The following DPP8 variants were observed in gnomAD, a reference collection of about 807,000 sequenced individuals.
The protein encoded by DPP8 is dipeptidyl peptidase 8, also known as DPP VIII.
In DPP8, 31 loss-of-function variants were observed where a neutral mutation model predicts 107.5. The observed-to-expected ratio is 0.29, with a 90% CI of 0.22 to 0.39. DPP8 has a LOEUF of 0.39. DPP8 is among the 10% of genes least tolerant of loss of function. The pLI is 1.00. For synonymous variants in DPP8, 381 were observed against 356.6 expected (o/e 1.07, Z -0.77); for missense variants, 842 against 1,076.1 (o/e 0.78, Z 3.04).
chr15:65,481,111 T>TA (rs1253371509), intron 9 of DPP8, among the ~76,000 whole-genome samples: 3 of 151,996 alleles, frequency 2.0e-5, no homozygotes, highest in East Asian at 3.9e-4. Flanking sequence ...CTCCCTTTAG[T>TA]ATCAATGTCA....
chr15:65,514,675 TA>T (rs1312472663), intron 1 of DPP8, among the ~76,000 whole-genome samples: 3 of 152,084 alleles, frequency 2.0e-5, no homozygotes, highest in Non-Finnish European at 4.4e-5. Flanking sequence ...CGTGCCCAGT[TA>T]ATTTTTGTAT....
Position 65,478,022 on chromosome 15 carries a change from C to T in DPP8, c.1456+858G>A, listed in dbSNP as rs548202715. ...TATGTACCCATTTACTTTTCCTAGG[C>T]TTATGCATCCATTCCGTATTATATT... On this transcript the variant is annotated intron_variant, in intron 11 of 19. Transcript: ENST00000300141. Among the ~76,000 whole-genome samples the T allele has an allele frequency of 4.6e-5, 7 of 152,210 alleles. No individual in the cohort carries two copies. In the South Asian group the frequency reaches 1.0e-3, roughly 23 times the overall value.
chr15:65,507,349 G>A lies in DPP8; in HGVS notation c.266C>T (p.Ser89Phe), dbSNP rs1358983271. 1 of 1,584,812 alleles carries A rather than the reference G, an allele frequency of 6.3e-7. No individual in the cohort carries two copies. Among genetic ancestry groups the A allele is most frequent in the South Asian group, 1.1e-5 (1 of 89,158 alleles). Reference protein sequence around the residue: ...HSDRIYYLAMSGENRENTLFY... With the variant: ...HSDRIYYLAMFGENRENTLFY... ...CAGTGTATTTTCTCTGTTCTCACCA[G>A]ACATGGCTATAGGAGAAAGCAATCA... is the stretch of plus-strand genomic sequence containing the variant. The change falls in exon 3 of 20, where the codon TCT becomes TTT. Residue 89 changes from serine (S) to phenylalanine (F), a missense_variant. Ser to Phe is a radical substitution (Grantham distance 155). This residue lies in a region of DPP8 where 663 missense variants were observed against 758.0 expected (regional missense o/e 0.87). Transcript: ENST00000300141.
At chr15:65,498,424 G>GA (rs546038034) in intron 4 of DPP8, among the ~76,000 whole-genome samples, 131 of 136,998 alleles carry the variant, frequency 9.6e-4, no homozygotes, top group Middle Eastern at 3.8e-3. Context: ...TCAGTATCAG[G>GA]AAAAAAAAAA....
chr15:65,473,773 A>C (rs967318313), intron 12 of DPP8, among the ~76,000 whole-genome samples: 1 of 152,204 alleles, frequency 6.6e-6, no homozygotes, highest in Admixed American at 6.6e-5. Flanking sequence ...CTTTCCAACA[A>C]CTTGAGTAAT....
rs2066660005 is a variant in DPP8 at position 65,479,054 on chromosome 15, G to A, written c.1297-15C>T. The stretch of plus-strand genomic sequence containing the variant: ...ATGTCATGGATCTGTAAAATGAATA[G>A]CTAAATTTACTATACATATTATGAA... On this transcript the variant is annotated splice_polypyrimidine_tract_variant and intron_variant, in intron 10 of 19. Transcript: ENST00000300141. The A allele has an allele frequency of 6.6e-7, 1 of 1,526,456 alleles. No homozygotes were observed. Among genetic ancestry groups the A allele is most frequent in the Admixed American group, 2.3e-5 (1 of 44,410 alleles). 94.6% of individuals were successfully genotyped at this position (1,526,456 alleles called of 1,614,324 possible).
intron 12 of DPP8, among the ~76,000 whole-genome samples, chr15:65,470,711 G>A (rs903636968): frequency 2.6e-5 from 4 of 151,746 alleles, no homozygotes; most frequent in Admixed American, 6.6e-5. Flanking sequence ...CTGAGGTCAC[G>A]GGTTCAAGAC....
intron 11 of DPP8, chr15:65,475,674 T>A (rs1419182539): frequency 1.6e-6 from 1 of 637,682 alleles, no homozygotes; most frequent in Non-Finnish European, 2.7e-6. Context: ...AAGAAAATGT[T>A]TAATACAATT....
rs1179981931 is a variant in DPP8, at chr15:65,475,072, CA to C, written c.1457-785del. 2.6e-5 allele frequency among the ~76,000 whole-genome samples: 4 copies of C among 152,032 alleles called. 1 individual carries two copies. The highest frequency in any genetic ancestry group is 9.7e-5 in the African/African-American group (4 of 41,414). ...TCTTTTTCTTTTTGTAAAACTTTCC[CA>C]AGACATTTTCAGATTTAAAAATAAA... On this transcript the variant is annotated intron_variant, in intron 11 of 19. Transcript: ENST00000300141.
chr15:65,451,839 CCT>C, intron 18 of DPP8, 119 bp downstream of exon 18: 1 of 995,528 alleles, frequency 1.0e-6, no homozygotes, highest in Non-Finnish European at 1.4e-6. Context: ...GTGGGAGGAT[CCT>C]CTGAGCCCAG....
intron 19 of DPP8, among the ~76,000 whole-genome samples, chr15:65,448,527 C>T (rs2063637568): frequency 6.6e-6 from 1 of 151,072 alleles, no homozygotes; most frequent in Non-Finnish European, 1.5e-5. Context: ...AAAAAATTAG[C>T]CAGGCGTGGT....
intron 8 of DPP8, among the ~76,000 whole-genome samples, chr15:65,484,155 C>T (rs1182984892): frequency 6.6e-6 from 1 of 151,908 alleles, no homozygotes; most frequent in African/African-American, 2.4e-5. Flanking sequence ...AGTGAAACCC[C>T]GTCTCTACTA....
At chr15:65,447,163 T>C (rs1289056721) in intron 19 of DPP8, among the ~76,000 whole-genome samples, 157 bp from the exon 20 acceptor site, 1 of 152,172 alleles carries the variant, frequency 6.6e-6, no homozygotes, top group East Asian at 1.9e-4. Context: ...GCTCCTCTCT[T>C]CATCTTATGA....
intron 16 of DPP8, among the ~76,000 whole-genome samples, 187 bp downstream of exon 16, chr15:65,456,038 C>T (rs1595867067): frequency 1.3e-5 from 2 of 152,112 alleles, no homozygotes; most frequent in Non-Finnish European, 2.9e-5. Flanking sequence ...CTCAGTTCCC[C>T]AAAGTTACGT....
chr15:65,467,577 T>C (rs1224944971), intron 12 of DPP8, among the ~76,000 whole-genome samples: 1 of 152,094 alleles, frequency 6.6e-6, no homozygotes, highest in East Asian at 1.9e-4. Context: ...GAGGCCTCAC[T>C]ATGTTGCCCA....
At chr15:65,465,479 C>A (rs2065267945) in intron 14 of DPP8, among the ~76,000 whole-genome samples, 1 of 150,184 alleles carries the variant, frequency 6.7e-6, no homozygotes, top group Non-Finnish European at 1.5e-5. Context: ...AATTTCTTAA[C>A]CCCTTAGCAG....
At chr15:65,458,178 T>C (rs2064599462) in intron 15 of DPP8, among the ~76,000 whole-genome samples, 1 of 152,230 alleles carries the variant, frequency 6.6e-6, no homozygotes, top group South Asian at 2.1e-4. Context: ...CTGTGTCCTG[T>C]TATCATCTAG....
chr15:65,500,535 A>G (rs1414498941), intron 4 of DPP8, 71 bp downstream of exon 4: 3 of 1,225,736 alleles, frequency 2.4e-6, no homozygotes, highest in Non-Finnish European at 3.5e-6. Context: ...TTTATTAATT[A>G]CCTTTCTGCT....
At chr15:65,457,738 G>GT (rs997442945) in intron 15 of DPP8, among the ~76,000 whole-genome samples, 5 of 152,208 alleles carry the variant, frequency 3.3e-5, no homozygotes, top group African/African-American at 9.6e-5. Flanking sequence ...GGAGAATAAT[G>GT]TTTTTTTCCC....
Sources: gnomAD v4.1 joint callset for allele counts (sites outside exome capture counted in the v4.1 genomes callset) on GRCh38, gnomAD v4.1.1 for gene constraint, gnomAD v4.1.1 regional missense constraint, MANE v1.5 for transcripts, NCBI Gene and HGNC (gene_info 2026-07-23, HGNC 2026-07-21) for gene names.